LAMC3: variants seen among roughly 807,000 people sequenced by gnomAD.
LAMC3 encodes the protein laminin subunit gamma 3, also known as laminin subunit gamma-3.
LAMC3 carries 128 observed loss-of-function variants against 173.8 expected under a neutral mutation model. The observed-to-expected ratio is 0.74, with a 90% CI of 0.64 to 0.85. The LOEUF is 0.85. LAMC3 is among the 40% of genes least tolerant of loss of function. The pLI is 0.00. For missense variants in LAMC3, 2,022 were observed against 2,156.0 expected (o/e 0.94, Z 1.23); for synonymous variants, 897 against 909.1 (o/e 0.99, Z 0.24).
At chr9:131,074,001 C>T (rs1354013083) in intron 20 of LAMC3, among the ~76,000 whole-genome samples, 1 of 136,118 alleles carries the variant, frequency 7.3e-6, no homozygotes, top group Non-Finnish European at 1.5e-5. Flanking sequence ...GGCTGGAGTG[C>T]AGTGGCGCTA....
At chr9:131,046,614 C>T (rs1163935731) in intron 8 of LAMC3, among the ~76,000 whole-genome samples, 3 of 148,492 alleles carry the variant, frequency 2.0e-5, no homozygotes, top group African/African-American at 5.0e-5. Flanking sequence ...TCCCGCCCAC[C>T]TCGGCTTCCC....
rs778167716 is a variant in LAMC3, at chr9:131,091,830, T to C, written c.*43T>C. 1.7e-5 allele frequency: 27 copies of C among 1,606,530 alleles called. No individual in the cohort carries two copies. Among genetic ancestry groups the C allele is most frequent in the Non-Finnish European group, 2.2e-5 (26 of 1,179,426 alleles). ...GGCACACACTCCCCCACCTGCTGTTTACATGACCCAGGGGGTGCACACTAC... is the reference window on the plus strand; with the variant it reads ...GGCACACACTCCCCCACCTGCTGTTCACATGACCCAGGGGGTGCACACTAC... On this transcript the variant is annotated 3_prime_UTR_variant, in exon 28 of 28. Coordinates refer to ENST00000361069, the MANE Select transcript of LAMC3 (RefSeq NM_006059.4).
rs147880294 is a variant in LAMC3 at position 131,081,435 on chromosome 9, TTCCCTCCCTCCCTCCC to T, written c.3928-610_3928-595del. Among the ~76,000 whole-genome samples, 13 of 126,878 alleles carry T rather than the reference TTCCCTCCCTCCCTCCC, an allele frequency of 1.0e-4. 1 individual carries two copies. In the East Asian group the frequency reaches 1.2e-3, roughly 12 times the overall value. 83.2% of individuals were successfully genotyped at this position (126,878 alleles called of 152,430 possible). ...ATCCACTTGCTGAGATAGAGCAGTGTTCCCTCCCTCCCTCCCTCCCTCCCTCCCTTCCTTCCTTTCT... is the reference window on the plus strand; with the variant it reads ...ATCCACTTGCTGAGATAGAGCAGTGTTCCCTCCCTCCCTTCCTTCCTTTCT... On this transcript the variant is annotated intron_variant, in intron 23 of 27. Coordinates refer to ENST00000361069, the MANE Select transcript of LAMC3 (RefSeq NM_006059.4).
intron 5 of LAMC3, 33 bp downstream of exon 5, chr9:131,039,085 C>G (rs759141567): frequency 6.2e-7 from 1 of 1,612,328 alleles, no homozygotes; most frequent in African/African-American, 1.3e-5. Flanking sequence ...GCCTCCGACC[C>G]TCTCCCTTTC....
At chr9:131,031,295 A>G (rs1833818228) in intron 2 of LAMC3, among the ~76,000 whole-genome samples, 1 of 152,118 alleles carries the variant, frequency 6.6e-6, no homozygotes, top group Admixed American at 6.5e-5. Flanking sequence ...GTCAGTCTTC[A>G]CGTGGGTTTT....
chr9:131,053,022 G>GCAA, intron 11 of LAMC3, 57 bp downstream of exon 11: 1 of 1,314,906 alleles, frequency 7.6e-7, no homozygotes, highest in Non-Finnish European at 1.1e-6. Context: ...CTCAGAACTG[G>GCAA]GCTGGGCTCC....
In LAMC3 at chr9:131,026,858, C is replaced by T. The variant is rs1458659215; in HGVS notation, c.678+269C>T. On this transcript the variant is annotated intron_variant, in intron 2 of 27. Coordinates refer to ENST00000361069, the MANE Select transcript of LAMC3 (RefSeq NM_006059.4). The surrounding 1 kb of genome is among the most constrained non-coding windows in gnomAD (Gnocchi z 4.8). Reference sequence around the variant, plus strand: ...AGTAACTGAGATTACAGGTGCCCGCCACGACTCCTGGCTGATTCTTTTTTG... The same window carrying T: ...AGTAACTGAGATTACAGGTGCCCGCTACGACTCCTGGCTGATTCTTTTTTG... Among the ~76,000 whole-genome samples the T allele has an allele frequency of 6.6e-6, 1 of 152,204 alleles. No homozygotes were observed. The highest frequency in any genetic ancestry group is 1.5e-5 in the Non-Finnish European group (1 of 68,046).
intron 20 of LAMC3, among the ~76,000 whole-genome samples, chr9:131,074,708 A>G (rs947542578): frequency 2.6e-5 from 4 of 152,064 alleles, no homozygotes; most frequent in East Asian, 1.9e-4. Flanking sequence ...AGAAAAAAAA[A>G]AAAAAAAAGA....
Position 131,063,629 on chromosome 9 carries a change from C to G in LAMC3, c.2347+2406C>G, listed in dbSNP as rs929338577. ...CTGATGCTCACTTGTCCTGGGAAGA[C>G]TCCTGCCTGCCATCCTGGCCCCTTG... On this transcript the variant is annotated intron_variant, in intron 13 of 27. Coordinates refer to ENST00000361069, the MANE Select transcript of LAMC3 (RefSeq NM_006059.4). 7.4e-4 allele frequency among the ~76,000 whole-genome samples: 113 copies of G among 152,334 alleles called. 1 individual carries two copies. The highest frequency in any genetic ancestry group is 2.5e-3 in the African/African-American group (105 of 41,572).
At chr9:131,062,641 G>A (rs1255588474) in intron 13 of LAMC3, among the ~76,000 whole-genome samples, 1 of 152,112 alleles carries the variant, frequency 6.6e-6, no homozygotes, top group Non-Finnish European at 1.5e-5. Flanking sequence ...GGCTGAGGCG[G>A]GCGGATCACC....
rs780724385 is a variant in LAMC3, at chr9:131,061,115, G to C, written c.2239G>C (p.Gly747Arg). Residue 747 changes from glycine to arginine, a missense_variant, in exon 13 of 28, where the codon GGC (glycine) becomes CGC (arginine). Transcript: ENST00000361069. ...LPGFYGNPFA[G>R]QADDCQPCPC... is the part of the protein sequence containing the mutation. ...AGGTTTCTATGGCAACCCTTTCGCG[G>C]GCCAAGCCGACGACTGCCAGCCCTG... is the stretch of plus-strand genomic sequence containing the variant. 2.1e-5 allele frequency: 34 copies of C among 1,613,838 alleles called. No individual in the cohort carries two copies. The highest frequency in any genetic ancestry group is 2.7e-5 in the Non-Finnish European group (32 of 1,180,030).
intron 1 of LAMC3, among the ~76,000 whole-genome samples, chr9:131,019,417 C>T (rs756549994): frequency 6.6e-6 from 1 of 152,128 alleles, no homozygotes; most frequent in South Asian, 2.1e-4. Context: ...TGAGTAGACT[C>T]GAGGCAGGAT....
At chr9:131,033,761 G>A (rs769307289) in intron 3 of LAMC3, among the ~76,000 whole-genome samples, 10 of 152,220 alleles carry the variant, frequency 6.6e-5, no homozygotes, top group Admixed American at 1.3e-4. Context: ...GGGTCTGAAC[G>A]CGACTGAGGA....
chr9:131,051,132 C>T (rs960725353), intron 9 of LAMC3, among the ~76,000 whole-genome samples: 1 of 152,126 alleles, frequency 6.6e-6, no homozygotes, highest in Non-Finnish European at 1.5e-5. Context: ...TGGCGGGGCG[C>T]GCTACAGAAT....
chr9:131,024,857 G>A (rs1219137601), intron 1 of LAMC3, among the ~76,000 whole-genome samples: 2 of 152,140 alleles, frequency 1.3e-5, no homozygotes, highest in African/African-American at 4.8e-5. Context: ...TAACTCTGCA[G>A]GAGGCTAGCT....
Position 131,049,070 on chromosome 9 carries a change from C to T in LAMC3, c.1570C>T (p.Gln524Ter), listed in dbSNP as rs1396707186. 1.9e-6 allele frequency: 3 copies of T among 1,552,162 alleles called. No individual in the cohort carries two copies. The African/African-American group carries it at 4.1e-5, about 21-fold the overall frequency. ...RSVGGSEHPPQWSPNGVLLSP... is the reference protein window; with the variant it reads ...RSVGGSEHPP ...TGTGGGGGGCTCTGAGCACCCCCCA[C>T]AATGGAGCCCAAATGGGGTCCTCCT... The change falls in exon 9 of 28, where the codon CAA becomes TAA. Residue 524 changes from glutamine (Q) to a stop codon, truncating the protein, a stop_gained. Coordinates refer to ENST00000361069, the MANE Select transcript of LAMC3 (RefSeq NM_006059.4). LOFTEE classifies it high-confidence loss of function.
Position 131,077,073 on chromosome 9 carries a change from C to T in LAMC3, c.3630-114C>T, listed in dbSNP as rs568927496. On this transcript the variant is annotated intron_variant, in intron 21 of 27. Transcript: ENST00000361069. ...TGTACCTACCCCGCAGAGGGCTATT[C>T]TGCCTGGGAAGTTGGCAGAGGCCTT... 1.5e-5 allele frequency: 21 copies of T among 1,424,798 alleles called. No individual in the cohort carries two copies. In the East Asian group the frequency reaches 2.3e-4, roughly 15 times the overall value. 88.3% of individuals were successfully genotyped at this position (1,424,798 alleles called of 1,614,324 possible).
chr9:131,035,153 T>C (rs962399165), intron 3 of LAMC3, among the ~76,000 whole-genome samples: 1 of 152,184 alleles, frequency 6.6e-6, no homozygotes, highest in African/African-American at 2.4e-5. Flanking sequence ...TTTCTCCATG[T>C]TGGTCAGGCT....
intron 21 of LAMC3, among the ~76,000 whole-genome samples, chr9:131,076,502 C>G (rs1432044143): frequency 1.3e-5 from 2 of 152,166 alleles, no homozygotes; most frequent in African/African-American, 4.8e-5. Flanking sequence ...ATCAGGTGTC[C>G]AGCCCTGAGC....
Sources: allele counts gnomAD v4.1 joint callset (sites outside exome capture counted in the v4.1 genomes callset), GRCh38; gene constraint gnomAD v4.1.1; non-coding constraint Gnocchi (gnomAD v3.1); transcripts MANE v1.5; gene names NCBI Gene and HGNC (gene_info 2026-07-23, HGNC 2026-07-21).